SUZ12: variants seen among roughly 807,000 people sequenced by gnomAD.
SUZ12 encodes the protein SUZ12 polycomb repressive complex 2 subunit, also known as polycomb protein SUZ12.
Under a neutral mutation model 87.3 loss-of-function variants are expected in SUZ12, and 17 were observed. The observed-to-expected ratio is 0.19, with a 90% confidence interval of 0.13 to 0.29. SUZ12 has a LOEUF of 0.29. Among genes scored for constraint, SUZ12 ranks in the 10% least tolerant of loss-of-function variants. The pLI is 1.00. For synonymous variants in SUZ12, 253 were observed against 312.4 expected, an observed-to-expected ratio of 0.81 and a Z score of 2.01; for missense variants, 526 against 912.2, an observed-to-expected ratio of 0.58 and a Z score of 5.45.
intron 9 of SUZ12, among the ~76,000 whole-genome samples, chr17:31,983,888 T>C (rs1909263364): frequency 1.3e-5 from 2 of 152,200 alleles, no homozygotes; most frequent in South Asian, 4.1e-4. Context: ...GATAACTCTT[T>C]TAAGAGATAA....
intron 4 of SUZ12, among the ~76,000 whole-genome samples, chr17:31,950,065 C>T (rs149963110): frequency 1.7e-3 from 256 of 151,944 alleles, no homozygotes; most frequent in African/African-American, 5.6e-3. Flanking sequence ...GCGTGATCTC[C>T]GCTCACTGCA....
chr17:31,996,923 G>T, intron 15 of SUZ12, 46 bp downstream of exon 15: 1 of 1,145,398 alleles, frequency 8.7e-7, no homozygotes, highest in Non-Finnish European at 1.2e-6. Context: ...ATTCTTTATG[G>T]TCTTTTGCTG....
chr17:31,963,914 G>A (rs113143972), intron 4 of SUZ12: 10,725 of 151,534 alleles, frequency 0.071, no homozygotes, highest in African/African-American at 0.23. Flanking sequence ...TGGCGCGTTC[G>A]GGGTGGTATG....
In SUZ12 at chr17:31,995,765, AATT is replaced by A. The variant is rs753136143; in HGVS notation, c.1794+12_1794+14del. On this transcript the variant is annotated splice_donor_5th_base_variant and intron_variant, in intron 14 of 15. Transcript: ENST00000322652. ...GGCTAAGAGAAAAAACCATTACAGTAATTATTATTATCTTTATTGGCAATTATC... is the reference window on the plus strand; with the variant it reads ...GGCTAAGAGAAAAAACCATTACAGTAATTATTATCTTTATTGGCAATTATC... 3.9e-5 allele frequency: 62 copies of A among 1,587,978 alleles called. No individual in the cohort carries two copies. Among genetic ancestry groups the A allele is most frequent in the Non-Finnish European group, 5.1e-5 (59 of 1,159,902 alleles).
At chr17:31,967,773 G>A (rs1908185973) in intron 5 of SUZ12, among the ~76,000 whole-genome samples, 1 of 152,136 alleles carries the variant, frequency 6.6e-6, no homozygotes, top group South Asian at 2.1e-4. Context: ...GTCCAAGATG[G>A]CAGGATGGCG....
At chr17:31,995,017 A>G (rs1909896989) in intron 13 of SUZ12, among the ~76,000 whole-genome samples, 1 of 152,152 alleles carries the variant, frequency 6.6e-6, no homozygotes, top group Non-Finnish European at 1.5e-5. Context: ...AATTGGTTGA[A>G]CCTGGGAGGT....
chr17:31,991,153 G>T (rs1909701842), intron 10 of SUZ12, among the ~76,000 whole-genome samples: 1 of 152,172 alleles, frequency 6.6e-6, no homozygotes, highest in Admixed American at 6.5e-5. Context: ...GGCGTAAGTT[G>T]TCCTCCTTGA....
chr17:31,949,017 TTTCTC>T (rs199634044), intron 4 of SUZ12, among the ~76,000 whole-genome samples: 15,020 of 152,130 alleles, frequency 0.099, 988 homozygotes, highest in Middle Eastern at 0.15. Flanking sequence ...CCCTGCTTCT[TTTCTC>T]CTGACCACAT....
intron 8 of SUZ12, among the ~76,000 whole-genome samples, chr17:31,982,646 A>AT (rs2142193659): frequency 6.6e-6 from 1 of 152,080 alleles, no homozygotes; most frequent in East Asian, 1.9e-4. Flanking sequence ...GTTGCAACAG[A>AT]GCAAGACTCC....
rs1425789811 is a variant in SUZ12 at position 31,937,189 on chromosome 17, G to T, written c.-58G>T. ...GGGGCGAGCGGTTGGTATTGCAGGC[G>T]CTTGCTCTCCGGGGCCGCCCGGCGG... On this transcript the variant is annotated 5_prime_UTR_variant, in exon 1 of 16. Coordinates refer to ENST00000322652, the MANE Select transcript of SUZ12 (RefSeq NM_015355.4). 5.8e-6 allele frequency: 8 copies of T among 1,374,590 alleles called. No individual in the cohort carries two copies. In the East Asian group the frequency reaches 2.4e-4, roughly 42 times the overall value. 85.1% of individuals were successfully genotyped at this position (1,374,590 alleles called of 1,614,324 possible).
chr17:31,981,322 C>T (rs2449796), intron 8 of SUZ12, among the ~76,000 whole-genome samples: 2 of 152,138 alleles, frequency 1.3e-5, no homozygotes, highest in African/African-American at 4.8e-5. Flanking sequence ...AAAATAGATA[C>T]ATATGGTTCT....
At chr17:31,947,253 T>C (rs1024248222) in intron 3 of SUZ12, among the ~76,000 whole-genome samples, 3 of 152,206 alleles carry the variant, frequency 2.0e-5, no homozygotes, top group African/African-American at 7.2e-5. Context: ...TTCAGGAATA[T>C]ATAATCTAGT....
At chr17:31,975,949 CTTG>C (rs1022068155) in intron 7 of SUZ12, among the ~76,000 whole-genome samples, 8 of 152,152 alleles carry the variant, frequency 5.3e-5, no homozygotes, top group South Asian at 2.1e-4. Flanking sequence ...TTTTATTATA[CTTG>C]TTGTGTATTT....
chr17:31,978,421 C>T (rs981225919), intron 8 of SUZ12, among the ~76,000 whole-genome samples: 2 of 152,078 alleles, frequency 1.3e-5, no homozygotes, highest in African/African-American at 4.8e-5. Context: ...GTTGGCCAGG[C>T]TGGTCTGGAG....
intron 3 of SUZ12, 61 bp from the exon 4 acceptor site, chr17:31,947,556 G>C: frequency 6.4e-7 from 1 of 1,554,712 alleles, no homozygotes; most frequent in Middle Eastern, 1.8e-4. Context: ...TGACAATAAA[G>C]TATAATTTGT....
intron 15 of SUZ12, among the ~76,000 whole-genome samples, chr17:31,997,983 A>G (rs1281345910): frequency 2.6e-5 from 4 of 152,032 alleles, no homozygotes; most frequent in South Asian, 2.1e-4. Context: ...CACACTTACA[A>G]TGCTGGCACT....
intron 5 of SUZ12, among the ~76,000 whole-genome samples, chr17:31,971,195 C>T (rs1036197190): frequency 5.9e-5 from 9 of 152,092 alleles, no homozygotes; most frequent in African/African-American, 1.9e-4. Context: ...TCTGTCTCTA[C>T]GTTTTATAAT....
chr17:31,977,845 C>T (rs56400916), intron 8 of SUZ12, among the ~76,000 whole-genome samples: 2 of 152,110 alleles, frequency 1.3e-5, no homozygotes, highest in African/African-American at 2.4e-5. Flanking sequence ...GCCGAGATCA[C>T]ACCACTGCAC....
At chr17:31,954,683 C>A (rs948479795) in intron 4 of SUZ12, among the ~76,000 whole-genome samples, 2 of 152,070 alleles carry the variant, frequency 1.3e-5, no homozygotes, top group African/African-American at 4.8e-5. Flanking sequence ...AACCAGCTTT[C>A]ATTTGAGGTG....
Sources: allele counts gnomAD v4.1 joint callset (sites outside exome capture counted in the v4.1 genomes callset), GRCh38; gene constraint gnomAD v4.1.1; transcripts MANE v1.5; gene names NCBI Gene and HGNC (gene_info 2026-07-23, HGNC 2026-07-21).